The following NKAIN2 variants were observed in gnomAD, a reference collection of about 807,000 sequenced individuals.
NKAIN2 encodes sodium/potassium-transporting ATPase subunit beta-1-interacting protein 2.
Under a neutral mutation model 32.6 loss-of-function variants are expected in NKAIN2, and 14 were observed. That is an observed-to-expected ratio of 0.43 (90% confidence interval 0.28 to 0.67). The LOEUF (loss-of-function observed/expected upper bound fraction) is 0.67. Ranked by LOEUF, NKAIN2 falls within the 30% of genes least tolerant of loss-of-function variation. NKAIN2 has a pLI of 0.17. For synonymous variants in NKAIN2, 80 were observed against 87.2 expected (o/e 0.92, Z 0.46); for missense variants, 198 against 258.3 (o/e 0.77, Z 1.60).
chr6:124,322,944 A>T (rs1797256432), intron 2 of NKAIN2, among the ~76,000 whole-genome samples: 2 of 152,176 alleles, frequency 1.3e-5, no homozygotes, highest in Admixed American at 6.5e-5. Flanking sequence ...GTATGGGCAT[A>T]TATTTATTTT....
intron 1 of NKAIN2, among the ~76,000 whole-genome samples, chr6:124,110,451 TG>T (rs899292682): frequency 2.4e-4 from 37 of 152,176 alleles, no homozygotes; most frequent in African/African-American, 8.2e-4. Flanking sequence ...ACGGATTTTT[TG>T]CATGGGTATA....
At chr6:124,202,473 CTGT>C (rs5879718) in intron 1 of NKAIN2, among the ~76,000 whole-genome samples, 8,598 of 151,922 alleles carry the variant, frequency 0.057, 461 homozygotes, top group African/African-American at 0.12. Context: ...ATTCATTCAA[CTGT>C]TGTTCTAACA....
At chr6:124,142,279 C>G (rs1787183461) in intron 1 of NKAIN2, among the ~76,000 whole-genome samples, 1 of 152,148 alleles carries the variant, frequency 6.6e-6, no homozygotes, top group Non-Finnish European at 1.5e-5. Context: ...GAGAAAAACT[C>G]TACATATTCA....
At chr6:123,821,205 G>A (rs942349672) in intron 1 of NKAIN2, among the ~76,000 whole-genome samples, 3 of 152,196 alleles carry the variant, frequency 2.0e-5, no homozygotes, top group Non-Finnish European at 2.9e-5. Context: ...GAAGTGAGAC[G>A]TAGCCACTGG....
intron 4 of NKAIN2, among the ~76,000 whole-genome samples, chr6:124,784,470 G>C (rs373839933): frequency 4.4e-4 from 67 of 152,152 alleles, no homozygotes; most frequent in African/African-American, 1.6e-3. Flanking sequence ...CTACAACTAG[G>C]ATCATATAAC....
At chr6:124,485,701 T>C (rs1005605272) in intron 3 of NKAIN2, among the ~76,000 whole-genome samples, 1 of 152,164 alleles carries the variant, frequency 6.6e-6, no homozygotes, top group African/African-American at 2.4e-5. Context: ...ATCTGTGTCT[T>C]TCTGAGCCCT....
intron 2 of NKAIN2, among the ~76,000 whole-genome samples, chr6:124,348,958 C>T (rs1322614226): frequency 6.6e-6 from 1 of 152,138 alleles, no homozygotes; most frequent in East Asian, 1.9e-4. Context: ...CCACACCTGG[C>T]TCGGAGGGTC....
At chr6:124,644,112 T>C (rs1203088540) in intron 3 of NKAIN2, among the ~76,000 whole-genome samples, 1 of 152,200 alleles carries the variant, frequency 6.6e-6, no homozygotes, top group Non-Finnish European at 1.5e-5. Flanking sequence ...ATTTTAGTGC[T>C]AATAACAGCT....
At chr6:124,520,869 T>A (rs1779093200) in intron 3 of NKAIN2, among the ~76,000 whole-genome samples, 1 of 152,152 alleles carries the variant, frequency 6.6e-6, no homozygotes, top group African/African-American at 2.4e-5. Context: ...CACTTCAAAC[T>A]CTCAGGAGAA....
At chr6:124,311,386 G>T (rs769396057) in intron 2 of NKAIN2, among the ~76,000 whole-genome samples, 1 of 152,130 alleles carries the variant, frequency 6.6e-6, no homozygotes, top group Non-Finnish European at 1.5e-5. Flanking sequence ...ACCCAGCAAA[G>T]TTTCCCCACT....
At chr6:123,992,131 G>A (rs1779439969) in intron 1 of NKAIN2, among the ~76,000 whole-genome samples, 1 of 152,120 alleles carries the variant, frequency 6.6e-6, no homozygotes, top group African/African-American at 2.4e-5. Context: ...GTAGAGGCAT[G>A]GAAGGCAGGA....
intron 4 of NKAIN2, among the ~76,000 whole-genome samples, chr6:124,763,167 A>C (rs1450981639): frequency 6.6e-6 from 1 of 152,214 alleles, no homozygotes; most frequent in East Asian, 1.9e-4. Context: ...CTGTTTAGCC[A>C]AAACATTCAA....
rs550457641 is a variant in NKAIN2, at chr6:124,655,153, T to TAAGA, written c.274-3030_274-3027dup. On this transcript the variant is annotated intron_variant, in intron 3 of 6. Transcript: ENST00000368417. Reference sequence around the variant, plus strand: ...TATTTATATAATTGTTAATTCCTCTTAAGAAATTAGTATTAGGAAAGAAGA... The same window carrying TAAGA: ...TATTTATATAATTGTTAATTCCTCTTAAGAAAGAAATTAGTATTAGGAAAGAAGA... 1.4e-4 allele frequency among the ~76,000 whole-genome samples: 21 copies of TAAGA among 152,200 alleles called. No homozygotes were observed. The South Asian group carries it at 4.4e-3, about 32-fold the overall frequency.
At chr6:124,808,997 G>A (rs1780740721) in intron 5 of NKAIN2, among the ~76,000 whole-genome samples, 1 of 152,136 alleles carries the variant, frequency 6.6e-6, no homozygotes, top group South Asian at 2.1e-4. Flanking sequence ...ACAAACAAAT[G>A]GAAGAACATT....
intron 1 of NKAIN2, among the ~76,000 whole-genome samples, chr6:123,974,395 G>A (rs1481916857): frequency 6.6e-6 from 1 of 152,130 alleles, no homozygotes; most frequent in Admixed American, 6.6e-5. Flanking sequence ...ATTAAACTAT[G>A]TATGTTCCAG....
intron 3 of NKAIN2, among the ~76,000 whole-genome samples, chr6:124,610,042 C>A (rs942917766): frequency 6.6e-6 from 1 of 152,128 alleles, no homozygotes; most frequent in Non-Finnish European, 1.5e-5. Context: ...TTATCACTCA[C>A]GACCTCCTCC....
chr6:123,829,030 AAACTGCTT>A (rs1774266756), intron 1 of NKAIN2: 1 of 152,170 alleles, frequency 6.6e-6, no homozygotes. Flanking sequence ...GAATATATGA[AAACTGCTT>A]AACTGTCATT....
In NKAIN2 at chr6:124,230,943, C is replaced by A. The variant is rs140984220; in HGVS notation, c.55-52062C>A. 8.4e-3 allele frequency among the ~76,000 whole-genome samples: 1,281 copies of A among 152,278 alleles called. 14 individuals are homozygous for A. Among genetic ancestry groups the A allele is most frequent in the African/African-American group, 0.027 (1,138 of 41,552 alleles). ...AGAAGGGGGCCACTGTCCTCCAGACCCCACAATGGTAGATCCACTGGCAGC... is the reference window on the plus strand; with the variant it reads ...AGAAGGGGGCCACTGTCCTCCAGACACCACAATGGTAGATCCACTGGCAGC... On this transcript the variant is annotated intron_variant, in intron 1 of 6. Coordinates refer to ENST00000368417, the MANE Select transcript of NKAIN2 (RefSeq NM_001040214.3).
chr6:124,227,999 T>G (rs1792213443), intron 1 of NKAIN2, among the ~76,000 whole-genome samples: 1 of 152,130 alleles, frequency 6.6e-6, no homozygotes, highest in East Asian at 1.9e-4. Flanking sequence ...CTTCCTGGCT[T>G]GTAAAGTAAC....
Sources: allele counts gnomAD v4.1 joint callset (sites outside exome capture counted in the v4.1 genomes callset), GRCh38; gene constraint gnomAD v4.1.1; transcripts MANE v1.5; gene names NCBI Gene and HGNC (gene_info 2026-07-23, HGNC 2026-07-21).